Variants in MAGIX observed in about 807,000 individuals in gnomAD.
The protein encoded by MAGIX is MAGI family member, X-linked.
In MAGIX, 13 loss-of-function variants were observed where a neutral mutation model predicts 10.0. The ratio of observed to expected loss-of-function variants is 1.30; its 90% CI spans 0.84 to 2.06. The LOEUF is 2.06. MAGIX is among the 30% of genes most tolerant of loss of function. MAGIX has a pLI of 0.00. For synonymous variants in MAGIX, 108 were observed against 106.8 expected, an observed-to-expected ratio of 1.01 and a Z score of -0.07; for missense variants, 235 against 245.2, an observed-to-expected ratio of 0.96 and a Z score of 0.28.
chrX:49,164,847 G>A lies in MAGIX; in HGVS notation c.87G>A (p.Leu29=). The change falls in exon 3 of 5, where the codon CTG becomes CTA. Residue 29 remains leucine (L), a synonymous_variant. Coordinates refer to ENST00000616266, the Ensembl canonical transcript of MAGIX. The stretch of plus-strand genomic sequence containing the variant: ...GCCTCAGGGCAAACTATGTACACCT[G>A]TGTCCTTTATTCCAGCACCGTTGGT... 8.3e-7 allele frequency: 1 copy of A among 1,211,172 alleles called. No individual in the cohort carries two copies. Among genetic ancestry groups the A allele is most frequent in the Non-Finnish European group, 1.1e-6 (1 of 894,587 alleles).
intron 2 of MAGIX, chrX:49,164,328 G>A (rs1207570073): frequency 3.2e-6 from 1 of 317,395 alleles, no homozygotes; most frequent in Non-Finnish European, 5.5e-6. Flanking sequence ...ATGAGGGTTA[G>A]AGGCTAATTA....
exon 2 of MAGIX, chrX:49,163,798 C>T (rs1194432565): frequency 2.9e-6 from 3 of 1,048,364 alleles, no homozygotes; most frequent in Admixed American, 9.5e-5. Context: ...GGCCCCTCCC[C>T]GCTCGCGGGC....
exon 3 of MAGIX, chrX:49,165,043 C>G: frequency 7.4e-6 from 9 of 1,209,362 alleles, no homozygotes; most frequent in Non-Finnish European, 1.0e-5. Context: ...GCTGGCCGTG[C>G]GCGGGCTGCT....
rs1557096814 is a variant in MAGIX at position 49,163,831 on chromosome X, C to A, written c.-153C>A. 19 of 1,037,779 alleles carry A rather than the reference C, an allele frequency of 1.8e-5. No homozygotes were observed. The South Asian group carries it at 4.9e-4, about 27-fold the overall frequency. The allele number at this position is 1,037,779 out of a possible 1,213,427, so 85.5% of individuals were successfully genotyped here. On this transcript the variant is annotated 5_prime_UTR_variant, in exon 2 of 5. Coordinates refer to ENST00000616266, the Ensembl canonical transcript of MAGIX. ...GGCCCTAGCGCCCGGCAGCTCCTGG[C>A]GCGGTTGGACGCGCGCCCCCTGGCG...
At chrX:49,163,960 G>C in intron 2 of MAGIX, 31 bp downstream of exon 2, 13 of 1,003,238 alleles carry the variant, frequency 1.3e-5, no homozygotes, top group Non-Finnish European at 1.4e-5. Context: ...CTCCGCTGGG[G>C]GAGGGTTCGG....
chrX:49,163,017 TC>T lies in MAGIX; in HGVS notation c.-202+274del, dbSNP rs1318174435. 42 of 356,735 alleles carry T rather than the reference TC, an allele frequency of 1.2e-4. No individual in the cohort carries two copies. The South Asian group carries it at 2.4e-3, about 20-fold the overall frequency. The allele number at this position is 356,735 out of a possible 1,213,427, so 29.4% of individuals were successfully genotyped here. ...TCCCGCCTGTCTGCTCCACACCTTT[TC>T]CTTCTGACAGGTGGTAAACAGAGCG... On this transcript the variant is annotated intron_variant, in intron 1 of 4. Coordinates refer to ENST00000616266, the Ensembl canonical transcript of MAGIX.
exon 5 of MAGIX, chrX:49,167,019 C>T (rs2147864576): frequency 8.8e-6 from 1 of 113,625 alleles, no homozygotes; most frequent in African/African-American, 3.2e-5. Flanking sequence ...AGAAGCAGGG[C>T]AGCTTCCTTC....
exon 4 of MAGIX, chrX:49,165,261 G>A (rs781848626): frequency 3.5e-5 from 41 of 1,180,523 alleles, no homozygotes; most frequent in Non-Finnish European, 4.3e-5. Flanking sequence ...CCGTGGAGCG[G>A]ATCCGAGCTG....
chrX:49,168,050 T>G (rs1234053254), exon 5 of MAGIX: 1 of 111,800 alleles, frequency 8.9e-6, no homozygotes, highest in Non-Finnish European at 1.9e-5. Context: ...GAACCCCAAC[T>G]GTATATGTTG....
chrX:49,163,953 C>G (rs782199729), intron 2 of MAGIX, 24 bp downstream of exon 2: 1 of 1,003,585 alleles, frequency 1.0e-6, no homozygotes, highest in African/African-American at 2.0e-5. Flanking sequence ...GCAGGGCCTC[C>G]GCTGGGGGAG....
intron 1 of MAGIX, 195 bp from the exon 2 acceptor site, chrX:49,163,588 C>G (rs1486814542): frequency 6.6e-6 from 2 of 301,988 alleles, no homozygotes; most frequent in East Asian, 1.1e-4. Context: ...TGGGAGCAAG[C>G]GGGGGTGCAC....
exon 5 of MAGIX, chrX:49,166,370 G>C (rs1557098159): frequency 8.7e-7 from 1 of 1,145,630 alleles, no homozygotes; most frequent in Non-Finnish European, 1.2e-6. Context: ...GCTCGCTCAG[G>C]AGATGGCAGC....
chrX:49,163,796 C>T (rs4824744), exon 2 of MAGIX: 2 of 1,049,315 alleles, frequency 1.9e-6, no homozygotes, highest in Non-Finnish European at 1.2e-6. Flanking sequence ...GCGGCCCCTC[C>T]CCGCTCGCGG....
chrX:49,164,313 A>C, intron 2 of MAGIX: 1 of 273,860 alleles, frequency 3.7e-6, no homozygotes, highest in Non-Finnish European at 6.5e-6. Context: ...GATGTCAGGA[A>C]TGGGATGAGG....
At chrX:49,165,161 T>C (rs2147862654) in intron 3 of MAGIX, 29 bp from the exon 5 acceptor site, 1 of 1,201,675 alleles carries the variant, frequency 8.3e-7, no homozygotes, top group Non-Finnish European at 1.1e-6. Flanking sequence ...CTTTTGCCTT[T>C]CCAACACGAC....
chrX:49,167,234 A>G (rs782423984), exon 5 of MAGIX: 1 of 114,257 alleles, frequency 8.8e-6, no homozygotes, highest in African/African-American at 3.2e-5. Flanking sequence ...GTACATGGTG[A>G]AGAACTGCAG....
At chrX:49,163,400 T>C (rs113574821) in intron 1 of MAGIX, 352 of 130,542 alleles carry the variant, frequency 2.7e-3, no homozygotes, top group African/African-American at 0.012. Context: ...AATTGGGGGT[T>C]CCGGGGCTAT....
At chrX:49,167,085 G>T (rs376721276) in exon 5 of MAGIX, 2 of 113,910 alleles carry the variant, frequency 1.8e-5, no homozygotes, top group South Asian at 3.5e-4. Flanking sequence ...TTGCTGGCAC[G>T]TAGGCTACCA....
chrX:49,163,698 G>A (rs1209431054), intron 1 of MAGIX, 85 bp from the exon 2 acceptor site: 4 of 891,977 alleles, frequency 4.5e-6, no homozygotes, highest in Non-Finnish European at 5.6e-6. Context: ...ATCCTGAGGG[G>A]CATTTCTAGG....
Sources: allele counts gnomAD v4.1 joint callset, GRCh38; gene constraint gnomAD v4.1.1; transcripts MANE v1.5; gene names NCBI Gene and HGNC (gene_info 2026-07-23, HGNC 2026-07-21).